AGMO: variants seen among roughly 807,000 people sequenced by gnomAD.
The protein encoded by AGMO is alkylglycerol monooxygenase.
A neutral mutation model predicts 60.2 loss-of-function variants in AGMO; 75 were observed. The observed-to-expected ratio is 1.25, with a 90% CI of 1.03 to 1.51. The LOEUF (loss-of-function observed/expected upper bound fraction) is 1.51. AGMO is among the 40% of genes most tolerant of loss of function. AGMO has a pLI of 0.00. For missense variants in AGMO, 763 were observed against 525.5 expected, an observed-to-expected ratio of 1.45 and a Z score of -4.42; for synonymous variants, 261 against 177.1, an observed-to-expected ratio of 1.47 and a Z score of -3.76.
rs186066559 is a variant in AGMO, at chr7:15,367,594, T to C, written c.1075-1372A>G. Among the ~76,000 whole-genome samples, 401 of 152,176 alleles carry C rather than the reference T, an allele frequency of 2.6e-3. 1 individual carries two copies. Among genetic ancestry groups the C allele is most frequent in the Non-Finnish European group, 2.4e-3 (164 of 67,970 alleles). On this transcript the variant is annotated intron_variant, in intron 10 of 12. Transcript: ENST00000342526. ...AAGCATGATGACAGTAGAATACATATGAGCAATAGATTTAAAGGAGCTAAT... is the reference window on the plus strand; with the variant it reads ...AAGCATGATGACAGTAGAATACATACGAGCAATAGATTTAAAGGAGCTAAT...
At chr7:15,545,075 A>G in intron 2 of AGMO, 152 bp from the exon 3 acceptor site, 1 of 519,512 alleles carries the variant, frequency 1.9e-6, no homozygotes, top group South Asian at 8.0e-5. Context: ...TTCCTTTTAA[A>G]GGCTCAAATT....
chr7:15,405,239 G>C (rs1784656347), intron 5 of AGMO, among the ~76,000 whole-genome samples: 1 of 151,814 alleles, frequency 6.6e-6, no homozygotes, highest in Non-Finnish European at 1.5e-5. Context: ...ACATATTGTA[G>C]ACAATCTACT....
At chr7:15,201,884 A>G (rs1781298543) in intron 12 of AGMO, among the ~76,000 whole-genome samples, 1 of 152,150 alleles carries the variant, frequency 6.6e-6, no homozygotes, top group African/African-American at 2.4e-5. Flanking sequence ...GTAAAAATGT[A>G]ACTGCAAATT....
At chr7:15,281,126 T>A (rs1052683784) in intron 12 of AGMO, among the ~76,000 whole-genome samples, 2 of 152,036 alleles carry the variant, frequency 1.3e-5, no homozygotes, top group African/African-American at 2.4e-5. Flanking sequence ...AGAATCCAGA[T>A]GGCAGGACTT....
rs553339010 is a variant in AGMO at position 15,329,163 on chromosome 7, T to C, written c.1263+36351A>G. On this transcript the variant is annotated intron_variant, in intron 12 of 12. Coordinates refer to ENST00000342526, the MANE Select transcript of AGMO (RefSeq NM_001004320.2). ...TTTATTAACTTATTGCTAGAAAACA[T>C]CTTTCTCTACTGGAACGTAAACTCC... 1.1e-3 allele frequency among the ~76,000 whole-genome samples: 163 copies of C among 152,332 alleles called. 1 individual carries two copies. Among genetic ancestry groups the C allele is most frequent in the Middle Eastern group, 0.01 (3 of 294 alleles).
chr7:15,191,117 G>C, the AGMO span, among the ~76,000 whole-genome samples: 1 of 152,062 alleles, frequency 6.6e-6, no homozygotes, highest in Non-Finnish European at 1.5e-5. Context: ...GAGCTTAAAG[G>C]TGACCTCAGG....
intron 3 of AGMO, among the ~76,000 whole-genome samples, chr7:15,515,759 C>G (rs1204887756): frequency 6.6e-6 from 1 of 152,100 alleles, no homozygotes; most frequent in Non-Finnish European, 1.5e-5. Flanking sequence ...ACAATGTTGT[C>G]CTGTAGGATT....
chr7:15,460,615 T>A (rs898393537), intron 3 of AGMO, among the ~76,000 whole-genome samples: 6 of 152,112 alleles, frequency 3.9e-5, no homozygotes, highest in African/African-American at 1.4e-4. Flanking sequence ...ATTAATGAGA[T>A]ATAATAAATT....
intron 3 of AGMO, among the ~76,000 whole-genome samples, chr7:15,483,229 T>C (rs1782808229): frequency 6.6e-6 from 1 of 152,204 alleles, no homozygotes; most frequent in South Asian, 2.1e-4. Flanking sequence ...ATTATATTTA[T>C]ACAAACTAGT....
chr7:15,313,221 A>C (rs1403676439), intron 12 of AGMO, among the ~76,000 whole-genome samples: 1 of 152,198 alleles, frequency 6.6e-6, no homozygotes, highest in Non-Finnish European at 1.5e-5. Context: ...CCCTGTAGTA[A>C]AAGTTTTCTT....
intron 3 of AGMO, among the ~76,000 whole-genome samples, chr7:15,485,919 T>C (rs1583602019): frequency 6.6e-6 from 1 of 152,132 alleles, no homozygotes; most frequent in Non-Finnish European, 1.5e-5. Context: ...GGCATAGTTA[T>C]AGAGTGATTT....
chr7:15,181,431 G>A, the AGMO span, among the ~76,000 whole-genome samples: 2 of 152,102 alleles, frequency 1.3e-5, no homozygotes, highest in South Asian at 2.1e-4. Flanking sequence ...GGACCCAAAC[G>A]AAACTATTTT....
intron 3 of AGMO, among the ~76,000 whole-genome samples, chr7:15,514,512 T>C (rs1487931287): frequency 6.6e-6 from 1 of 152,078 alleles, no homozygotes; most frequent in Non-Finnish European, 1.5e-5. Context: ...CTCAGAGAAA[T>C]TAAGGAATTT....
the AGMO span, among the ~76,000 whole-genome samples, chr7:15,190,073 CCATATATATATATATATATATT>C: frequency 8.2e-6 from 1 of 121,348 alleles, no homozygotes; most frequent in Non-Finnish European, 1.7e-5. Flanking sequence ...TTTTTAAGTG[CCATATATATATATATATATATT>C]TATATATATA....
At chr7:15,514,115 C>G (rs868653693) in intron 3 of AGMO, among the ~76,000 whole-genome samples, 9 of 152,142 alleles carry the variant, frequency 5.9e-5, no homozygotes, top group South Asian at 2.1e-4. Context: ...AGTCTTAGAT[C>G]CAACTTCCTC....
intron 3 of AGMO, among the ~76,000 whole-genome samples, chr7:15,521,252 G>A (rs924397930): frequency 5.3e-5 from 8 of 152,084 alleles, no homozygotes; most frequent in African/African-American, 1.7e-4. Flanking sequence ...ATTCACAGCC[G>A]AATTCTACCA....
At chr7:15,278,738 G>A (rs115511202) in intron 12 of AGMO, among the ~76,000 whole-genome samples, 2,888 of 152,236 alleles carry the variant, frequency 0.019, 74 homozygotes, top group African/African-American at 0.067. Flanking sequence ...CTCCCTCCCT[G>A]GTCCAGGGCA....
chr7:15,340,802 G>T (rs568821543), intron 12 of AGMO, among the ~76,000 whole-genome samples: 1 of 152,304 alleles, frequency 6.6e-6, no homozygotes, highest in African/African-American at 2.4e-5. Context: ...GGGCAGTGCA[G>T]AAGGGAAATG....
chr7:15,501,043 G>T (rs1783371970), intron 3 of AGMO, among the ~76,000 whole-genome samples: 1 of 151,952 alleles, frequency 6.6e-6, no homozygotes, highest in East Asian at 1.9e-4. Flanking sequence ...TATGGTTCGA[G>T]ATTGTGGTTG....
Sources: allele counts gnomAD v4.1 joint callset (sites outside exome capture counted in the v4.1 genomes callset), GRCh38; gene constraint gnomAD v4.1.1; transcripts MANE v1.5; gene names NCBI Gene and HGNC (gene_info 2026-07-23, HGNC 2026-07-21).